The following TBC1D22A variants were observed in gnomAD, a reference collection of about 807,000 sequenced individuals.
TBC1D22A encodes the protein putative GTPase activator.
A neutral mutation model predicts 60.2 loss-of-function variants in TBC1D22A; 38 were observed. The ratio of observed to expected loss-of-function variants is 0.63; its 90% CI spans 0.49 to 0.83. The LOEUF is 0.83. Among genes scored for constraint, TBC1D22A ranks in the 40% least tolerant of loss-of-function variants. The pLI, the probability that TBC1D22A is intolerant of heterozygous loss-of-function variation, is 0.00. For synonymous variants in TBC1D22A, 302 were observed against 281.7 expected, an observed-to-expected ratio of 1.07 and a Z score of -0.72; for missense variants, 628 against 701.0, an observed-to-expected ratio of 0.90 and a Z score of 1.18.
chr22:46,935,474 G>C (rs939945419), intron 8 of TBC1D22A, among the ~76,000 whole-genome samples: 6 of 152,212 alleles, frequency 3.9e-5, no homozygotes, highest in African/African-American at 1.4e-4. Context: ...GGGCCGTATG[G>C]GCAGTTTGAA....
chr22:47,172,784 G>T (rs559258212), intron 12 of TBC1D22A, among the ~76,000 whole-genome samples: 36 of 152,356 alleles, frequency 2.4e-4, no homozygotes, highest in Middle Eastern at 3.4e-3. Context: ...GTTGGACCTA[G>T]ACCTGAAGCT....
chr22:47,127,644 C>T (rs540002811), intron 12 of TBC1D22A, among the ~76,000 whole-genome samples: 109 of 152,174 alleles, frequency 7.2e-4, no homozygotes, highest in African/African-American at 2.3e-3. Context: ...TCGGGGAAGG[C>T]GGCCCCGTTC....
At chr22:47,033,862 G>A (rs555911616) in intron 10 of TBC1D22A, among the ~76,000 whole-genome samples, 32 of 152,244 alleles carry the variant, frequency 2.1e-4, no homozygotes, top group Admixed American at 1.9e-3. Context: ...GCCGAGGAGG[G>A]AGTGGGGGTC....
intron 1 of TBC1D22A, among the ~76,000 whole-genome samples, chr22:46,769,093 C>CA (rs61105868): frequency 0.65 from 46,822 of 72,580 alleles, 14,202 homozygotes; most frequent in Non-Finnish European, 0.67. Context: ...GACTCTGTCT[C>CA]AAAAAAAAAA....
intron 8 of TBC1D22A, among the ~76,000 whole-genome samples, chr22:46,934,009 T>A (rs2071503465): frequency 6.6e-6 from 1 of 152,244 alleles, no homozygotes; most frequent in Non-Finnish European, 1.5e-5. Flanking sequence ...ATATTTGATA[T>A]GTGCCTTTTA....
Position 47,009,384 on chromosome 22 carries a change from CCATCACCATCATTTCCAT to C in TBC1D22A, c.1201+11689_1201+11706del. On this transcript the variant is annotated intron_variant, in intron 10 of 12. Coordinates refer to ENST00000337137, the MANE Select transcript of TBC1D22A (RefSeq NM_014346.5). This position sits in a 1 kb window ranked among gnomAD's most constrained non-coding sequence, Gnocchi z 5.8. ...CACCATCACCATCATCATTTCATCA[CCATCACCATCATTTCCAT>C]CATCACCATCATTGTGTCATCACCA... is the stretch of plus-strand genomic sequence containing the variant. Among the ~76,000 whole-genome samples the C allele has an allele frequency of 6.6e-6, 1 of 150,864 alleles. No homozygotes were observed. The highest frequency in any genetic ancestry group is 2.4e-5 in the African/African-American group (1 of 40,894).
intron 8 of TBC1D22A, among the ~76,000 whole-genome samples, chr22:46,920,532 GCT>G (rs1365839223): frequency 6.6e-6 from 1 of 152,098 alleles, no homozygotes; most frequent in Non-Finnish European, 1.5e-5. Context: ...CCTGATGTGT[GCT>G]CTGTTTTCTT....
intron 12 of TBC1D22A, among the ~76,000 whole-genome samples, chr22:47,112,497 C>T (rs1444463492): frequency 6.6e-6 from 1 of 152,218 alleles, no homozygotes; most frequent in Non-Finnish European, 1.5e-5. Flanking sequence ...TTCCCCAGCT[C>T]TGTGCTTGGC....
At chr22:46,870,217 G>C (rs1569154360) in intron 4 of TBC1D22A, among the ~76,000 whole-genome samples, 1 of 152,220 alleles carries the variant, frequency 6.6e-6, no homozygotes, top group Non-Finnish European at 1.5e-5. Flanking sequence ...TGGCCAAGCT[G>C]GTCCTTGAAC....
chr22:47,037,332 T>C, intron 11 of TBC1D22A, 134 bp downstream of exon 11: 1 of 1,305,138 alleles, frequency 7.7e-7, no homozygotes, highest in South Asian at 1.4e-5. Flanking sequence ...ATGCGGTCTT[T>C]AAAAAGTATA....
chr22:46,871,234 A>G (rs777948985), intron 4 of TBC1D22A, among the ~76,000 whole-genome samples: 1 of 152,246 alleles, frequency 6.6e-6, no homozygotes, highest in South Asian at 2.1e-4. Context: ...TGACAGCAAT[A>G]AAGAGAGAAA....
intron 4 of TBC1D22A, among the ~76,000 whole-genome samples, chr22:46,866,019 TTCTGTGCCGAAATTGATGAA>T (rs1475313805): frequency 6.6e-6 from 1 of 152,126 alleles, no homozygotes; most frequent in African/African-American, 2.4e-5. Context: ...ACCGTTGAAG[TTCTGTGCCGAAATTGATGAA>T]TAGAAGTTAA....
rs536384145 is a variant in TBC1D22A, at chr22:47,037,105, G to A, written c.1236G>A (p.Val412=). 3 of 1,613,964 alleles carry A rather than the reference G, an allele frequency of 1.9e-6. No individual in the cohort carries two copies. In the Admixed American group the frequency reaches 5.0e-5, roughly 27 times the overall value. ...ACCGGCACCTGGACCAACACGAAGT[G>A]AGATACCTGCAGTTTGCCTTCCGCT... The part of the protein sequence containing the change: ...QVHRHLDQHE[V]RYLQFAFRWM... Residue 412 remains valine, a synonymous_variant, in exon 11 of 13, where the codon GTG becomes GTA. Transcript: ENST00000337137.
At chr22:46,885,078 T>G (rs538522232) in intron 5 of TBC1D22A, among the ~76,000 whole-genome samples, 1 of 152,200 alleles carries the variant, frequency 6.6e-6, no homozygotes, top group African/African-American at 2.4e-5. Context: ...GAAAGGACCG[T>G]GGGGTCTTTG....
chr22:47,112,391 A>T (rs1334335724), intron 12 of TBC1D22A, among the ~76,000 whole-genome samples: 1 of 152,144 alleles, frequency 6.6e-6, no homozygotes, highest in Non-Finnish European at 1.5e-5. Context: ...GGTCAGCCAC[A>T]CTTCACCGCT....
intron 10 of TBC1D22A, among the ~76,000 whole-genome samples, chr22:47,002,426 A>G (rs897721586): frequency 1.4e-4 from 22 of 152,350 alleles, no homozygotes; most frequent in Non-Finnish European, 1.2e-4. Flanking sequence ...GGCCAGCCCC[A>G]CCTGGTACTC....
chr22:46,930,745 G>A (rs1244843161), intron 8 of TBC1D22A, among the ~76,000 whole-genome samples: 2 of 151,952 alleles, frequency 1.3e-5, no homozygotes, highest in South Asian at 4.2e-4. Context: ...TTACAGGTGT[G>A]AGCCACCGCG....
At chr22:46,838,743 A>T (rs554543405) in intron 4 of TBC1D22A, among the ~76,000 whole-genome samples, 1 of 152,228 alleles carries the variant, frequency 6.6e-6, no homozygotes, top group East Asian at 1.9e-4. Flanking sequence ...CTGGGATGCA[A>T]GGATGGTTCT....
At chr22:47,006,432 T>C (rs1359900168) in intron 10 of TBC1D22A, among the ~76,000 whole-genome samples, 1 of 152,236 alleles carries the variant, frequency 6.6e-6, no homozygotes, top group African/African-American at 2.4e-5. Context: ...ATCTGGTGAA[T>C]GTATTCACAA....
Sources: gnomAD v4.1 joint callset for allele counts (sites outside exome capture counted in the v4.1 genomes callset) on GRCh38, gnomAD v4.1.1 for gene constraint, Gnocchi (gnomAD v3.1) non-coding constraint, MANE v1.5 for transcripts, NCBI Gene and HGNC (gene_info 2026-07-23, HGNC 2026-07-21) for gene names.